PTPRN2: variants seen among roughly 807,000 people sequenced by gnomAD.
PTPRN2 encodes receptor-type tyrosine-protein phosphatase N2.
In PTPRN2, 74 loss-of-function variants were observed where a neutral mutation model predicts 118.8. The ratio of observed to expected loss-of-function variants is 0.62; its 90% CI spans 0.52 to 0.76. The LOEUF is 0.76. Among genes scored for constraint, PTPRN2 ranks in the 30% least tolerant of loss-of-function variants. The pLI, the probability that PTPRN2 is intolerant of heterozygous loss-of-function variation, is 0.00. For synonymous variants in PTPRN2, 641 were observed against 608.0 expected (o/e 1.05, Z -0.80); for missense variants, 1,481 against 1,394.4 (o/e 1.06, Z -0.99).
At chr7:158,527,062 G>A (rs567395354) in intron 1 of PTPRN2, among the ~76,000 whole-genome samples, 5 of 152,274 alleles carry the variant, frequency 3.3e-5, no homozygotes, top group East Asian at 1.9e-4. Context: ...AAGCAGAGTC[G>A]AGACGTGCGC....
At chr7:158,240,388 A>G (rs563988191) in intron 3 of PTPRN2, among the ~76,000 whole-genome samples, 2 of 152,348 alleles carry the variant, frequency 1.3e-5, no homozygotes, top group African/African-American at 2.4e-5. Context: ...CGACCAGGAC[A>G]GCCTGCCACA....
intron 1 of PTPRN2, chr7:158,541,584 G>C (rs754149455): frequency 7.4e-7 from 1 of 1,351,762 alleles, no homozygotes; most frequent in South Asian, 1.1e-5. Context: ...TCTCAGCAGT[G>C]AATATTCAGA....
chr7:157,868,753 G>A lies in PTPRN2; in HGVS notation c.1788+29920C>T, dbSNP rs896018378. 6.6e-6 allele frequency: 1 copy of A among 152,160 alleles called. No individual in the cohort carries two copies. Among genetic ancestry groups the A allele is most frequent in the Non-Finnish European group, 1.5e-5 (1 of 68,062 alleles). The allele number at this position is 152,160 out of a possible 1,614,324, so 9.4% of individuals were successfully genotyped here. On this transcript the variant is annotated intron_variant, in intron 12 of 22. Coordinates refer to ENST00000389418, the MANE Select transcript of PTPRN2 (RefSeq NM_002847.5). This position sits in a 1 kb window ranked among gnomAD's most constrained non-coding sequence, Gnocchi z 5.2. ...CTTCATTGTATTGTGAGCTCCCTCT[G>A]GGCTGTGCACTCCGGGCCATGCGTG...
intron 12 of PTPRN2, among the ~76,000 whole-genome samples, chr7:157,885,243 C>T (rs546585800): frequency 7.9e-5 from 12 of 152,280 alleles, no homozygotes; most frequent in African/African-American, 2.9e-4. Flanking sequence ...CGACAGCCCC[C>T]ACCAGGGTGG....
In PTPRN2 at chr7:157,619,098, T is replaced by A. The variant is rs954578412; in HGVS notation, c.2344+2264A>T. Among the ~76,000 whole-genome samples the A allele has an allele frequency of 3.9e-5, 6 of 151,980 alleles. No homozygotes were observed. The highest frequency in any genetic ancestry group is 7.4e-5 in the Non-Finnish European group (5 of 67,998). ...TGTGTCCCATCTGAGCACGGACCACTTCACCATCACTAGGTCCCTCGCCCC... is the reference window on the plus strand; with the variant it reads ...TGTGTCCCATCTGAGCACGGACCACATCACCATCACTAGGTCCCTCGCCCC... On this transcript the variant is annotated intron_variant, in intron 15 of 22. Coordinates refer to ENST00000389418, the MANE Select transcript of PTPRN2 (RefSeq NM_002847.5). The surrounding 1 kb of genome is among the most constrained non-coding windows in gnomAD (Gnocchi z 5.3).
intron 1 of PTPRN2, among the ~76,000 whole-genome samples, chr7:158,571,301 C>T (rs1182915113): frequency 1.4e-5 from 2 of 143,080 alleles, no homozygotes; most frequent in African/African-American, 2.6e-5. Flanking sequence ...TCTGATGAAA[C>T]CCCATCTCTA....
At position 157,810,599 on chromosome 7, in the gene PTPRN2, C is replaced by T. The variant is rs567007925; in HGVS notation, c.1788+88074G>A. 1.2e-3 allele frequency among the ~76,000 whole-genome samples: 117 copies of T among 94,192 alleles called. 1 individual carries two copies. The highest frequency in any genetic ancestry group is 4.8e-3 in the South Asian group (12 of 2,514). The allele number at this position is 94,192 out of a possible 152,430, so 61.8% of individuals were successfully genotyped here. A position where few individuals can be genotyped will look rare whatever the true frequency, so the allele number is the denominator to read the frequency against. On this transcript the variant is annotated intron_variant, in intron 12 of 22. Coordinates refer to ENST00000389418, the MANE Select transcript of PTPRN2 (RefSeq NM_002847.5). ...CTCTCCATGGGGACAGGGACGGGGA[C>T]GGCGGGACTGCTGGGGGCTGGGCTC...
At chr7:158,336,544 G>A (rs1441768845) in intron 2 of PTPRN2, among the ~76,000 whole-genome samples, 8 of 125,886 alleles carry the variant, frequency 6.4e-5, no homozygotes, top group African/African-American at 1.2e-4. Flanking sequence ...ACCTGCCGAC[G>A]TCACTCACAC....
At chr7:157,727,034 A>G (rs546243305) in intron 12 of PTPRN2, among the ~76,000 whole-genome samples, 1 of 152,358 alleles carries the variant, frequency 6.6e-6, no homozygotes, top group East Asian at 1.9e-4. Context: ...AGAGATGGGA[A>G]CACTGCGCTA....
chr7:157,934,397 A>T (rs1342704870), intron 11 of PTPRN2, among the ~76,000 whole-genome samples: 1 of 152,222 alleles, frequency 6.6e-6, no homozygotes, highest in African/African-American at 2.4e-5. Flanking sequence ...TGGGCAACTT[A>T]TCTTTTATGC....
In PTPRN2 at chr7:157,986,171, G is replaced by A. The variant is rs1311008861; in HGVS notation, c.1724-87434C>T. On this transcript the variant is annotated intron_variant, in intron 11 of 22. Coordinates refer to ENST00000389418, the MANE Select transcript of PTPRN2 (RefSeq NM_002847.5). This position sits in a 1 kb window ranked among gnomAD's most constrained non-coding sequence, Gnocchi z 4.5. ...TACCCTCATCTACAGCCCCGCTCTC[G>A]TATGTCCGGGGGAAGCTATGGAGAG... Among the ~76,000 whole-genome samples the A allele has an allele frequency of 5.9e-5, 9 of 152,160 alleles. No individual in the cohort carries two copies. Among genetic ancestry groups the A allele is most frequent in the South Asian group, 4.1e-4 (2 of 4,830 alleles).
At chr7:157,705,825 C>G (rs1399965140) in intron 12 of PTPRN2, among the ~76,000 whole-genome samples, 8 of 151,980 alleles carry the variant, frequency 5.3e-5, no homozygotes, top group Admixed American at 3.9e-4. Flanking sequence ...TGAATCTGAC[C>G]CAGGTGCCTT....
At chr7:157,745,450 TGTGGGAG>T (rs1800867671) in intron 12 of PTPRN2, among the ~76,000 whole-genome samples, 6 of 151,468 alleles carry the variant, frequency 4.0e-5, no homozygotes, top group African/African-American at 7.3e-5. Context: ...GAGGACAGGC[TGTGGGAG>T]GCAGGCTCAG....
At position 157,576,713 on chromosome 7, in the gene PTPRN2, G is replaced by A. The variant is rs1279781275; in HGVS notation, c.2683C>T (p.Leu895=). ...ACGGTGCGCGTCTCGTTGGTCTGCAGGTTCTTCAGATAGAAGCTCCTCACC... is the reference window on the plus strand; with the variant it reads ...ACGGTGCGCGTCTCGTTGGTCTGCAAGTTCTTCAGATAGAAGCTCCTCACC... ...FLVRSFYLKN[L]QTNETRTVTQ... The change falls in exon 19 of 23, where the codon CTG becomes TTG. Residue 895 remains leucine, a synonymous_variant. Coordinates refer to ENST00000389418, the MANE Select transcript of PTPRN2 (RefSeq NM_002847.5). The A allele has an allele frequency of 6.2e-7, 1 of 1,610,402 alleles. No individual in the cohort carries two copies. The highest frequency in any genetic ancestry group is 1.1e-5 in the South Asian group (1 of 90,306).
intron 12 of PTPRN2, among the ~76,000 whole-genome samples, chr7:157,841,902 A>AC (rs11394804): frequency 0.67 from 101,032 of 151,778 alleles, 34,167 homozygotes; most frequent in East Asian, 0.99. Flanking sequence ...AGCATACAGT[A>AC]CCCGGGGACT....
intron 15 of PTPRN2, chr7:157,616,003 C>A: frequency 4.8e-6 from 1 of 209,786 alleles, no homozygotes; most frequent in Non-Finnish European, 9.7e-6. Flanking sequence ...GGCCTGGGGC[C>A]CCTCTGGAGG....
rs1752481527 is a variant in PTPRN2, at chr7:157,764,941, C to A, written c.1789-82004G>T. Among the ~76,000 whole-genome samples, 1 of 151,408 alleles carries A rather than the reference C, an allele frequency of 6.6e-6. No individual in the cohort carries two copies. The highest frequency in any genetic ancestry group is 2.4e-5 in the African/African-American group (1 of 41,120). ...CATTGATCCATCCATATCCATCCAT[C>A]CATATCCATCCATCCACCCACCCAC... On this transcript the variant is annotated intron_variant, in intron 12 of 22. Transcript: ENST00000389418. This position sits in a 1 kb window ranked among gnomAD's most constrained non-coding sequence, Gnocchi z 4.5.
chr7:158,578,047 C>T (rs1828433651), intron 1 of PTPRN2, among the ~76,000 whole-genome samples: 1 of 152,212 alleles, frequency 6.6e-6, no homozygotes, highest in African/African-American at 2.4e-5. Flanking sequence ...GAACAACACC[C>T]ACCCGGCAAG....
At chr7:158,494,359 G>T (rs1253727428) in intron 1 of PTPRN2, among the ~76,000 whole-genome samples, 1 of 152,246 alleles carries the variant, frequency 6.6e-6, no homozygotes, top group Non-Finnish European at 1.5e-5. Flanking sequence ...TCGCCTGACT[G>T]CCATGAGGGC....
Sources: gnomAD v4.1 joint callset for allele counts (sites outside exome capture counted in the v4.1 genomes callset) on GRCh38, gnomAD v4.1.1 for gene constraint, Gnocchi (gnomAD v3.1) non-coding constraint, MANE v1.5 for transcripts, NCBI Gene and HGNC (gene_info 2026-07-23, HGNC 2026-07-21) for gene names.